Variants in SYNE1 observed in about 807,000 individuals in gnomAD.
SYNE1 encodes the protein spectrin repeat containing nuclear envelope protein 1.
SYNE1 carries 616 observed loss-of-function variants against 1,111.0 expected under a neutral mutation model. The observed-to-expected ratio is 0.55, with a 90% CI of 0.52 to 0.59. The LOEUF (loss-of-function observed/expected upper bound fraction) is 0.59, where lower values mean the gene tolerates loss of function less well. Ranked by LOEUF, SYNE1 falls within the 20% of genes least tolerant of loss-of-function variation. The probability of loss-of-function intolerance (pLI) is 0.00; values close to 1 mark genes in which losing one functional copy is unlikely to be tolerated. For missense variants in SYNE1, 10,006 were observed against 10,417.0 expected, an observed-to-expected ratio of 0.96 and a Z score of 1.72; for synonymous variants, 3,855 against 3,825.8, an observed-to-expected ratio of 1.01 and a Z score of -0.28.
intron 3 of SYNE1, among the ~76,000 whole-genome samples, chr6:152,560,627 A>G (rs2099392200): frequency 6.6e-6 from 1 of 152,202 alleles, no homozygotes; most frequent in African/African-American, 2.4e-5. Context: ...AGATAAGAAT[A>G]CAAGAAAAGA....
Position 152,254,775 on chromosome 6 carries a change from A to G in SYNE1, c.19470+105T>C, listed in dbSNP as rs953536191. 11 of 990,830 alleles carry G rather than the reference A, an allele frequency of 1.1e-5. No individual in the cohort carries two copies. In the African/African-American group the frequency reaches 1.8e-4, roughly 16 times the overall value. The allele number at this position is 990,830 out of a possible 1,614,324, so 61.4% of individuals were successfully genotyped here. ...TTCTACAATGCTCTTGTTCTTCATT[A>G]CGCATTTAGAAAAACAACAACCAGG... is the stretch of plus-strand genomic sequence containing the variant. On this transcript the variant is annotated intron_variant, in intron 104 of 145. Transcript: ENST00000367255.
At chr6:152,293,207 C>A (rs2094695122) in intron 95 of SYNE1, among the ~76,000 whole-genome samples, 1 of 152,126 alleles carries the variant, frequency 6.6e-6, no homozygotes, top group Non-Finnish European at 1.5e-5. Flanking sequence ...ACAACAATAT[C>A]GAGAAAAGGT....
intron 22 of SYNE1, among the ~76,000 whole-genome samples, chr6:152,457,941 A>G (rs2098706460): frequency 6.6e-6 from 1 of 150,402 alleles, no homozygotes; most frequent in Non-Finnish European, 1.5e-5. Flanking sequence ...AAATATTTAT[A>G]TATTTTATAT....
intron 131 of SYNE1, among the ~76,000 whole-genome samples, chr6:152,159,761 C>T (rs760381412): frequency 1.3e-5 from 2 of 152,164 alleles, no homozygotes; most frequent in Non-Finnish European, 2.9e-5. Context: ...TGAGCCGCCA[C>T]ATTCAACCTA....
rs763069273 is a variant in SYNE1, at chr6:152,442,188, C to T, written c.3895G>A (p.Ala1299Thr). The stretch of plus-strand genomic sequence containing the variant: ...GGCAGCCCCCCTTCTCCCTGCTGCG[C>T]CTGCGCGATCTGCTGCTGCACATCT... ...KRDVQQQIAQAQQGEGGLPDR... is the reference protein window; with the variant it reads ...KRDVQQQIAQTQQGEGGLPDR... The change falls in exon 31 of 146, where the codon GCG (alanine) becomes ACG (threonine). Residue 1299 changes from alanine to threonine, a missense_variant. Around this residue, in one of 7 missense-constraint regions of SYNE1, gnomAD observed 1,971 missense variants for 2,084.1 expected, o/e 0.95. Coordinates refer to ENST00000367255, the MANE Select transcript of SYNE1 (RefSeq NM_182961.4). The T allele has an allele frequency of 1.2e-6, 2 of 1,613,710 alleles. No homozygotes were observed. Among genetic ancestry groups the T allele is most frequent in the Admixed American group, 3.3e-5 (2 of 60,028 alleles).
chr6:152,454,915 T>C (rs187697893), intron 24 of SYNE1, among the ~76,000 whole-genome samples: 2 of 152,316 alleles, frequency 1.3e-5, no homozygotes, highest in Non-Finnish European at 1.5e-5. Context: ...ACATTATGAC[T>C]AATATTCCCA....
intron 10 of SYNE1, among the ~76,000 whole-genome samples, chr6:152,501,965 G>T (rs1381812589): frequency 6.6e-6 from 1 of 151,978 alleles, no homozygotes; most frequent in Non-Finnish European, 1.5e-5. Flanking sequence ...GTATGTATCT[G>T]CCATATATAA....
chr6:152,260,102 C>T (rs921650982), intron 101 of SYNE1, among the ~76,000 whole-genome samples: 4 of 152,026 alleles, frequency 2.6e-5, no homozygotes, highest in South Asian at 4.2e-4. Flanking sequence ...CTGCAGATGC[C>T]GGACGAATCA....
intron 63 of SYNE1, among the ~76,000 whole-genome samples, chr6:152,363,308 C>T (rs1278136388): frequency 9.8e-4 from 146 of 148,568 alleles, no homozygotes; most frequent in East Asian, 5.0e-3. Flanking sequence ...TCCTGGCTAA[C>T]ACAGTGAAAC....
rs1206765381 is a variant in SYNE1, at chr6:152,344,144, T to C, written c.12162A>G (p.Ala4054=). Residue 4054 remains alanine (A), a synonymous_variant, in exon 74 of 146, where the codon GCA becomes GCG. Transcript: ENST00000367255. ...GACTTGGCTCTAAATCCGGCTGGACTGCAGAAAGCCAGGCCTGGCACTGCT... is the reference window on the plus strand; with the variant it reads ...GACTTGGCTCTAAATCCGGCTGGACCGCAGAAAGCCAGGCCTGGCACTGCT... ...TLQQCQAWLS[A]VQPDLEPSPQ... is the part of the protein sequence containing the mutation. The C allele has an allele frequency of 3.1e-6, 5 of 1,614,238 alleles. No homozygotes were observed. In the South Asian group the frequency reaches 5.5e-5, roughly 18 times the overall value.
chr6:152,452,085 A>G (rs1297464093), intron 25 of SYNE1, among the ~76,000 whole-genome samples: 1 of 152,232 alleles, frequency 6.6e-6, no homozygotes, highest in Non-Finnish European at 1.5e-5. Context: ...TCATACATTG[A>G]GAAACAAGCA....
chr6:152,270,493 C>T (rs763705009), intron 98 of SYNE1, among the ~76,000 whole-genome samples: 8 of 152,148 alleles, frequency 5.3e-5, no homozygotes, highest in Non-Finnish European at 1.2e-4. Context: ...AGCACCTAGG[C>T]AAGAGTTGAT....
intron 77 of SYNE1, 77 bp from the exon 78 acceptor site, chr6:152,331,967 C>T (rs1407574095): frequency 1.3e-6 from 2 of 1,585,036 alleles, no homozygotes; most frequent in Non-Finnish European, 1.7e-6. Context: ...TGCTAAATTA[C>T]ACTTCACCAT....
intron 74 of SYNE1, among the ~76,000 whole-genome samples, chr6:152,343,476 T>C (rs1354946158): frequency 1.3e-5 from 2 of 151,142 alleles, no homozygotes; most frequent in Non-Finnish European, 2.9e-5. Context: ...CTTTCTTTTT[T>C]TTTTTTCTTT....
rs563306317 is a variant in SYNE1, at chr6:152,621,417, C to A, written c.67+6848G>T. ...GGATACTTTATGTTTTATTTGTAGA[C>A]CTTAGACACTCTTACTTTTAGAGGC... On this transcript the variant is annotated intron_variant, in intron 3 of 145. Coordinates refer to ENST00000367255, the MANE Select transcript of SYNE1 (RefSeq NM_182961.4). Among the ~76,000 whole-genome samples the A allele has an allele frequency of 2.3e-4, 35 of 152,158 alleles. No individual in the cohort carries two copies. In the South Asian group the frequency reaches 6.7e-3, roughly 29 times the overall value.
At position 152,373,169 on chromosome 6, in the gene SYNE1, C is replaced by A. The variant is rs376622495; in HGVS notation, c.9375G>T (p.Leu3125=). The A allele has an allele frequency of 1.9e-6, 3 of 1,613,910 alleles. No individual in the cohort carries two copies. The highest frequency in any genetic ancestry group is 2.7e-5 in the African/African-American group (2 of 74,922). The change falls in exon 59 of 146, where the codon CTG becomes CTT. Residue 3125 remains leucine, a synonymous_variant. Transcript: ENST00000367255. The part of the protein sequence containing the change: ...ENGQHKLNMM[L]SKGELLSTLL... ...GGGTACTCAGAAGTTCCCCTTTAGACAGCATCATGTTTAGCTTGTGCTGTC... is the reference window on the plus strand; with the variant it reads ...GGGTACTCAGAAGTTCCCCTTTAGAAAGCATCATGTTTAGCTTGTGCTGTC...
At position 152,268,150 on chromosome 6, in the gene SYNE1, A is replaced by T. The variant is rs775355345; in HGVS notation, c.18721T>A (p.Leu6241Ile). 2 of 1,614,090 alleles carry T rather than the reference A, an allele frequency of 1.2e-6. No homozygotes were observed. Among genetic ancestry groups the T allele is most frequent in the South Asian group, 1.1e-5 (1 of 91,084 alleles). ...CGAAGGAGACTCTTCTGCTCGGCTA[A>T]TTCCTGTTCTAACTCCTGCTCAAGG... ...LQQQKELEQE[L>I]AEQKSLLRSV... The change falls in exon 100 of 146, where the codon TTA becomes ATA. Residue 6241 changes from leucine (L) to isoleucine (I), a missense_variant. Leu to Ile is a conservative substitution (Grantham distance 5, BLOSUM62 2). Coordinates refer to ENST00000367255, the MANE Select transcript of SYNE1 (RefSeq NM_182961.4).
At chr6:152,184,627 CATAT>C (rs752571504) in intron 128 of SYNE1, among the ~76,000 whole-genome samples, 3,943 of 140,164 alleles carry the variant, frequency 0.028, 68 homozygotes, top group Middle Eastern at 0.072. Context: ...GGATTATACA[CATAT>C]ATAGATAGAT....
In SYNE1 at chr6:152,408,894, C is replaced by A. The variant is rs1471448780; in HGVS notation, c.6540+174G>T. 2.7e-5 allele frequency among the ~76,000 whole-genome samples: 4 copies of A among 150,268 alleles called. No homozygotes were observed. In the East Asian group the frequency reaches 7.8e-4, roughly 29 times the overall value. On this transcript the variant is annotated intron_variant, in intron 44 of 145. Coordinates refer to ENST00000367255, the MANE Select transcript of SYNE1 (RefSeq NM_182961.4). ...GCTTGAAGCCAGAAGGCAGAGGTTG[C>A]GGTGAGCTGAGATTGCGCCATTGCA...
Sources: gnomAD v4.1 joint callset for allele counts (sites outside exome capture counted in the v4.1 genomes callset) on GRCh38, gnomAD v4.1.1 for gene constraint, gnomAD v4.1.1 regional missense constraint, MANE v1.5 for transcripts, NCBI Gene and HGNC (gene_info 2026-07-23, HGNC 2026-07-21) for gene names.